IL6R: variants seen among roughly 807,000 people sequenced by gnomAD.
IL6R encodes interleukin-6 receptor subunit alpha.
Under a neutral mutation model 48.3 loss-of-function variants are expected in IL6R, and 38 were observed. The observed-to-expected ratio is 0.79, with a 90% CI of 0.61 to 1.03. IL6R has a LOEUF of 1.03. Among genes scored for constraint, IL6R ranks in the 50% least tolerant of loss-of-function variants. IL6R has a pLI of 0.00. For synonymous variants in IL6R, 264 were observed against 256.2 expected, an observed-to-expected ratio of 1.03 and a Z score of -0.29; for missense variants, 534 against 618.3, an observed-to-expected ratio of 0.86 and a Z score of 1.45.
intron 1 of IL6R, among the ~76,000 whole-genome samples, chr1:154,408,914 G>C (rs1687880207): frequency 6.6e-6 from 1 of 152,124 alleles, no homozygotes; most frequent in Non-Finnish European, 1.5e-5. Flanking sequence ...GGAGGCTGAG[G>C]CAGGAGGATC....
chr1:154,456,739 C>T lies in IL6R; in HGVS notation c.1160+2158C>T, dbSNP rs528058846. Among the ~76,000 whole-genome samples the T allele has an allele frequency of 1.4e-4, 21 of 152,186 alleles. No individual in the cohort carries two copies. The South Asian group carries it at 3.1e-3, about 23-fold the overall frequency. ...TTTGAGATGCCCCGAGAACCTCAAG[C>T]GGACACGCTTGGCAGGCAACACAGA... On this transcript the variant is annotated intron_variant, in intron 9 of 9. Transcript: ENST00000368485.
intron 1 of IL6R, among the ~76,000 whole-genome samples, chr1:154,409,000 A>G (rs1687884160): frequency 6.6e-6 from 1 of 152,182 alleles, no homozygotes; most frequent in Non-Finnish European, 1.5e-5. Context: ...TTAAAAAATT[A>G]GCTGGGCACA....
Position 154,448,144 on chromosome 1 carries a change from TGA to T in IL6R, c.972_973del (p.Asn325ArgfsTer12). 6.2e-7 allele frequency: 1 copy of T among 1,613,918 alleles called. No homozygotes were observed. The highest frequency in any genetic ancestry group is 8.5e-7 in the Non-Finnish European group (1 of 1,179,884). ...CCGCAGAATCCAGGAGTCCTCCAGC[TGA>T]GAACGAGGTGTCCACCCCCATGCAG... Reference protein sequence around the residue: ...PWTESRSPPAENEVSTPMQAL... With the variant: ...PWTESRSPPAXNEVSTPMQAL... On this transcript the variant is annotated frameshift_variant, in exon 7 of 10. Coordinates refer to ENST00000368485, the MANE Select transcript of IL6R (RefSeq NM_000565.4). LOFTEE classifies it high-confidence loss of function.
intron 6 of IL6R, among the ~76,000 whole-genome samples, chr1:154,437,745 G>A (rs1475312664): frequency 4.0e-5 from 6 of 149,694 alleles, no homozygotes; most frequent in Non-Finnish European, 5.9e-5. Context: ...ACGGAATCTC[G>A]CTCTGTTGCC....
Position 154,436,098 on chromosome 1 carries a change from A to G in IL6R, c.937A>G (p.Thr313Ala), listed in dbSNP as rs779084102. ...CGAGTGGAGCCCGGAGGCCATGGGCACGCCTTGGACAGGTACTGCGGTGGG... is the reference window on the plus strand; with the variant it reads ...CGAGTGGAGCCCGGAGGCCATGGGCGCGCCTTGGACAGGTACTGCGGTGGG... ...WSEWSPEAMG[T>A]PWTESRSPPA... is the part of the protein sequence containing the mutation. Residue 313 changes from threonine to alanine, a missense_variant, in exon 6 of 10, where the codon ACG becomes GCG. Transcript: ENST00000368485. 6.2e-7 allele frequency: 1 copy of G among 1,610,210 alleles called. No individual in the cohort carries two copies. Among genetic ancestry groups the G allele is most frequent in the South Asian group, 1.1e-5 (1 of 90,702 alleles).
intron 6 of IL6R, among the ~76,000 whole-genome samples, chr1:154,446,255 C>A (rs1365142726): frequency 2.6e-5 from 4 of 152,190 alleles, no homozygotes; most frequent in Admixed American, 2.6e-4. Context: ...CGGCCTTGAA[C>A]AAGTCGCTTT....
chr1:154,446,064 ATCT>A (rs1690211628), intron 6 of IL6R, among the ~76,000 whole-genome samples: 2 of 151,566 alleles, frequency 1.3e-5, no homozygotes, highest in Non-Finnish European at 2.9e-5. Flanking sequence ...GCCTGCCCCC[ATCT>A]TCTTTGTCTT....
chr1:154,460,939 C>T (rs7546068), intron 9 of IL6R, among the ~76,000 whole-genome samples: 101,756 of 151,574 alleles, frequency 0.67, 35,604 homozygotes, highest in East Asian at 0.82. Flanking sequence ...ATGCAGAGAC[C>T]GGTAGTGGCC....
Position 154,450,114 on chromosome 1 carries a change from G to T in IL6R, c.1066+134G>T. The T allele has an allele frequency of 5.1e-6, 3 of 591,310 alleles. No individual in the cohort carries two copies. The South Asian group carries it at 5.4e-5, about 11-fold the overall frequency. The allele number at this position is 591,310 out of a possible 1,614,324, so 36.6% of individuals were successfully genotyped here. A position where few individuals can be genotyped will look rare whatever the true frequency, so the allele number is the denominator to read the frequency against. On this transcript the variant is annotated intron_variant, in intron 8 of 9. Coordinates refer to ENST00000368485, the MANE Select transcript of IL6R (RefSeq NM_000565.4). ...AATCGCAGAAATGTTCTGTGTGTGT[G>T]TGTGTGTGTGTGTGTGTGTGTGTGT...
At chr1:154,458,026 G>A (rs1435583048) in intron 9 of IL6R, among the ~76,000 whole-genome samples, 1 of 150,006 alleles carries the variant, frequency 6.7e-6, no homozygotes, top group Non-Finnish European at 1.5e-5. Flanking sequence ...GAGTGCAGTG[G>A]CGCGATCTTG....
At chr1:154,424,376 T>C (rs1002136342) in intron 1 of IL6R, among the ~76,000 whole-genome samples, 3 of 152,224 alleles carry the variant, frequency 2.0e-5, no homozygotes, top group African/African-American at 7.2e-5. Context: ...TTGGATGAGC[T>C]GCAGTGGTCC....
chr1:154,448,222 G>A (rs1185240780), intron 7 of IL6R, 51 bp downstream of exon 7: 2 of 1,505,230 alleles, frequency 1.3e-6, no homozygotes, highest in African/African-American at 2.7e-5. Flanking sequence ...CTCGTGTTTA[G>A]GAGTGTGGGC....
chr1:154,422,374 TC>T lies in IL6R; in HGVS notation c.86-6819del, dbSNP rs1252322964. On this transcript the variant is annotated intron_variant, in intron 1 of 9. Coordinates refer to ENST00000368485, the MANE Select transcript of IL6R (RefSeq NM_000565.4). ...TCTCTTCCCCCTTTAGAATAATTGA[TC>T]CCTCTTCTTAGTTCCCTCAGTATGT... Among the ~76,000 whole-genome samples, 3 of 152,338 alleles carry T rather than the reference TC, an allele frequency of 2.0e-5. No homozygotes were observed. The East Asian group carries it at 5.8e-4, about 29-fold the overall frequency.
In IL6R at chr1:154,430,496, G is replaced by C. The variant is rs774240211; in HGVS notation, c.348G>C (p.Glu116Asp). 1.9e-6 allele frequency: 3 copies of C among 1,613,912 alleles called. No individual in the cohort carries two copies. Among genetic ancestry groups the C allele is most frequent in the Non-Finnish European group, 8.5e-7 (1 of 1,179,972 alleles). ...CTTTCCTTTCAGTTCCCCCCGAGGA[G>C]CCCCAGCTCTCCTGCTTCCGGAAGA... is the stretch of plus-strand genomic sequence containing the variant. ...VHLLVDVPPE[E>D]PQLSCFRKSP... The change falls in exon 3 of 10, where the codon GAG becomes GAC. Residue 116 changes from glutamate to aspartate, a missense_variant. Coordinates refer to ENST00000368485, the MANE Select transcript of IL6R (RefSeq NM_000565.4).
At chr1:154,420,426 G>T (rs1346142780) in intron 1 of IL6R, among the ~76,000 whole-genome samples, 1 of 151,862 alleles carries the variant, frequency 6.6e-6, no homozygotes, top group African/African-American at 2.4e-5. Context: ...ACAAGACCAG[G>T]AATAGAACTC....
chr1:154,462,813 AATTT>A lies in IL6R; in HGVS notation c.1161-2309_1161-2306del, dbSNP rs1408195507. On this transcript the variant is annotated intron_variant, in intron 9 of 9. Coordinates refer to ENST00000368485, the MANE Select transcript of IL6R (RefSeq NM_000565.4). ...TTTGCTTTTATTTAATTAATTAATTAATTTATTTATTTATTGAGACACATCACTC... is the reference window on the plus strand; with the variant it reads ...TTTGCTTTTATTTAATTAATTAATTAATTTATTTATTGAGACACATCACTC... Among the ~76,000 whole-genome samples, 26 of 151,972 alleles carry A rather than the reference AATTT, an allele frequency of 1.7e-4. No homozygotes were observed. The East Asian group carries it at 3.3e-3, about 19-fold the overall frequency.
rs775305856 is a variant in IL6R, at chr1:154,465,178, C to G, written c.1205C>G (p.Thr402Arg). The G allele has an allele frequency of 1.2e-6, 2 of 1,614,158 alleles. No individual in the cohort carries two copies. The highest frequency in any genetic ancestry group is 1.1e-5 in the South Asian group (1 of 91,080). ...CTGCGGGCTCTGAAGGAAGGCAAGA[C>G]AAGCATGCATCCGCCGTACTCTTTG... ...WKLRALKEGKTSMHPPYSLGQ... is the reference protein window; with the variant it reads ...WKLRALKEGKRSMHPPYSLGQ... The change falls in exon 10 of 10, where the codon ACA becomes AGA. Residue 402 changes from threonine to arginine, a missense_variant. Physicochemically the swap from Thr to Arg is moderately conservative, Grantham distance 71 (BLOSUM62 -1). Transcript: ENST00000368485.
rs80065028 is a variant in IL6R, at chr1:154,432,372, T to C, written c.458+1766T>C. 9.6e-3 allele frequency among the ~76,000 whole-genome samples: 1,455 copies of C among 152,014 alleles called. 11 individuals are homozygous for C. The highest frequency in any genetic ancestry group is 0.011 in the African/African-American group (464 of 41,458). On this transcript the variant is annotated intron_variant, in intron 3 of 9. Transcript: ENST00000368485. ...AACTGAAATACTTTTTTTTTTTTTT[T>C]TTTGAGATGGAGTTTCGCTCTGTCG... is the stretch of plus-strand genomic sequence containing the variant.
chr1:154,443,446 C>T (rs1005064767), intron 6 of IL6R, among the ~76,000 whole-genome samples: 6 of 152,318 alleles, frequency 3.9e-5, no homozygotes, highest in Admixed American at 6.5e-5. Flanking sequence ...CCCTCTCTGC[C>T]CTGTTTTCTG....
Sources: allele counts gnomAD v4.1 joint callset (sites outside exome capture counted in the v4.1 genomes callset), GRCh38; gene constraint gnomAD v4.1.1; transcripts MANE v1.5; gene names NCBI Gene and HGNC (gene_info 2026-07-23, HGNC 2026-07-21).